Variants in PTCHD4 observed in about 807,000 individuals in gnomAD.
PTCHD4 encodes the protein patched domain-containing protein 4.
A neutral mutation model predicts 58.1 loss-of-function variants in PTCHD4; 33 were observed. The ratio of observed to expected loss-of-function variants is 0.57; its 90% confidence interval spans 0.43 to 0.76. The LOEUF is 0.76. PTCHD4 is among the 30% of genes least tolerant of loss of function. The pLI is 0.00. For synonymous variants in PTCHD4, 478 were observed against 409.6 expected, an observed-to-expected ratio of 1.17 and a Z score of -2.02; for missense variants, 1,058 against 1,027.1, an observed-to-expected ratio of 1.03 and a Z score of -0.41.
At chr6:48,096,423 A>G (rs1765470853) in intron 1 of PTCHD4, among the ~76,000 whole-genome samples, 1 of 151,902 alleles carries the variant, frequency 6.6e-6, no homozygotes. Flanking sequence ...ACCAGCCTGG[A>G]CGAAATGGTA....
chr6:48,088,561 T>C (rs1419052591), intron 1 of PTCHD4, among the ~76,000 whole-genome samples: 1 of 152,232 alleles, frequency 6.6e-6, no homozygotes, highest in African/African-American at 2.4e-5. Context: ...GACTTATCTC[T>C]TAAAAGCTGT....
At chr6:48,015,006 C>G (rs1380613290) in intron 3 of PTCHD4, among the ~76,000 whole-genome samples, 4 of 152,176 alleles carry the variant, frequency 2.6e-5, no homozygotes, top group African/African-American at 9.7e-5. Context: ...AAGGCAACTG[C>G]CTAGCAATGA....
At chr6:48,066,515 C>T (rs1764803755) in intron 3 of PTCHD4, among the ~76,000 whole-genome samples, 1 of 152,104 alleles carries the variant, frequency 6.6e-6, no homozygotes, top group Admixed American at 6.5e-5. Context: ...TAGGAAATAA[C>T]TCAATTAAAA....
intron 3 of PTCHD4, among the ~76,000 whole-genome samples, chr6:48,011,398 A>G (rs1250880106): frequency 2.0e-5 from 3 of 151,520 alleles, no homozygotes; most frequent in Non-Finnish European, 4.4e-5. Flanking sequence ...GTGTCTGCTC[A>G]TATCCTTTGC....
intron 3 of PTCHD4, among the ~76,000 whole-genome samples, chr6:48,054,855 AT>A (rs1562029564): frequency 6.6e-6 from 1 of 152,190 alleles, no homozygotes; most frequent in Non-Finnish European, 1.5e-5. Context: ...TAATCTTCCA[AT>A]GATGTTAGGA....
chr6:48,086,509 G>GC (rs1765268316), intron 1 of PTCHD4, among the ~76,000 whole-genome samples: 1 of 149,474 alleles, frequency 6.7e-6, no homozygotes, highest in South Asian at 2.1e-4. Flanking sequence ...ACCAATTTCT[G>GC]TTTTTTTTTC....
rs113080713 is a variant in PTCHD4 at position 47,968,215 on chromosome 6, TG to T, written c.898+40418del. ...CAGGAATATGGAGAACCAAGGAGAG[TG>T]GGGGAGATGAGGGAAAGGCTGGTCA... On this transcript the variant is annotated intron_variant, in intron 4 of 4. Transcript: ENST00000339488. Among the ~76,000 whole-genome samples the T allele has an allele frequency of 7.4e-3, 1,116 of 151,212 alleles. 12 individuals carry two copies. Among genetic ancestry groups the T allele is most frequent in the African/African-American group, 0.026 (1,054 of 41,178 alleles).
intron 1 of PTCHD4, among the ~76,000 whole-genome samples, chr6:48,072,896 AT>A (rs1765000782): frequency 1.3e-5 from 2 of 152,072 alleles, no homozygotes; most frequent in Admixed American, 6.5e-5. Flanking sequence ...AAAAATATAT[AT>A]TTTTAATAAG....
chr6:47,948,757 G>A (rs1353068954), intron 4 of PTCHD4, among the ~76,000 whole-genome samples: 1 of 152,072 alleles, frequency 6.6e-6, no homozygotes, highest in Non-Finnish European at 1.5e-5. Context: ...GAGCAGCTCT[G>A]TTTACACCTT....
At chr6:47,931,183 C>T (rs1366131706) in intron 4 of PTCHD4, among the ~76,000 whole-genome samples, 1 of 152,262 alleles carries the variant, frequency 6.6e-6, no homozygotes, top group Admixed American at 6.5e-5. Context: ...AGGGACCTGG[C>T]AGCATCCTGC....
At chr6:48,033,101 G>A (rs142945417) in intron 3 of PTCHD4, among the ~76,000 whole-genome samples, 1 of 152,092 alleles carries the variant, frequency 6.6e-6, no homozygotes, top group African/African-American at 2.4e-5. Context: ...AAACCAATTG[G>A]TCTAATTTAT....
chr6:47,924,677 C>A (rs932312585), intron 4 of PTCHD4, among the ~76,000 whole-genome samples: 3 of 152,146 alleles, frequency 2.0e-5, no homozygotes, highest in Admixed American at 6.6e-5. Context: ...GGTTCAAGAA[C>A]TTTGGCCCTG....
chr6:48,106,095 A>G (rs531828307), intron 1 of PTCHD4, among the ~76,000 whole-genome samples: 1 of 152,340 alleles, frequency 6.6e-6, no homozygotes, highest in African/African-American at 2.4e-5. Context: ...TCCCTAACTC[A>G]TTTTATGAGG....
chr6:47,949,395 T>G (rs1456802831), intron 4 of PTCHD4, among the ~76,000 whole-genome samples: 2 of 152,170 alleles, frequency 1.3e-5, no homozygotes, highest in African/African-American at 4.8e-5. Flanking sequence ...TGGCTTTGAT[T>G]AGTGTCTGCA....
At chr6:47,946,764 C>G (rs1293617290) in intron 4 of PTCHD4, among the ~76,000 whole-genome samples, 1 of 151,334 alleles carries the variant, frequency 6.6e-6, no homozygotes, top group Non-Finnish European at 1.5e-5. Context: ...CTCTTTTTTG[C>G]TTTGTTTGGT....
At chr6:47,973,119 C>G (rs933194387) in intron 4 of PTCHD4, among the ~76,000 whole-genome samples, 1 of 152,012 alleles carries the variant, frequency 6.6e-6, no homozygotes, top group African/African-American at 2.4e-5. Flanking sequence ...TAACTTATAC[C>G]ATTATGTATA....
intron 4 of PTCHD4, among the ~76,000 whole-genome samples, chr6:47,975,037 C>T (rs1161985433): frequency 1.3e-5 from 2 of 152,182 alleles, no homozygotes; most frequent in East Asian, 3.9e-4. Flanking sequence ...GTTGACTCAT[C>T]TCCTCTGGGA....
chr6:48,095,081 T>A (rs1245617930), intron 1 of PTCHD4, among the ~76,000 whole-genome samples: 2 of 152,162 alleles, frequency 1.3e-5, no homozygotes, highest in East Asian at 3.9e-4. Flanking sequence ...ATTGTGGACA[T>A]GTTCATTATC....
chr6:47,934,116 G>T (rs745919610), intron 4 of PTCHD4, among the ~76,000 whole-genome samples: 27 of 152,236 alleles, frequency 1.8e-4, no homozygotes, highest in Non-Finnish European at 3.5e-4. Context: ...CCAGGTGGGA[G>T]GGGGTCCCAG....
Sources: gnomAD v4.1 joint callset for allele counts (sites outside exome capture counted in the v4.1 genomes callset) on GRCh38, gnomAD v4.1.1 for gene constraint, MANE v1.5 for transcripts, NCBI Gene and HGNC (gene_info 2026-07-23, HGNC 2026-07-21) for gene names.